Variants in GPR158 observed in about 807,000 individuals in gnomAD.
GPR158 encodes the protein G protein-coupled receptor 158.
In GPR158, 30 loss-of-function variants were observed where a neutral mutation model predicts 78.2. That is an observed-to-expected ratio of 0.38 (90% CI 0.29 to 0.52). The LOEUF (loss-of-function observed/expected upper bound fraction) is 0.52. Ranked by LOEUF, GPR158 falls within the 20% of genes least tolerant of loss-of-function variation. The pLI, the probability that GPR158 is intolerant of heterozygous loss-of-function variation, is 0.83. For missense variants in GPR158, 1,463 were observed against 1,523.5 expected (o/e 0.96, Z 0.66); for synonymous variants, 581 against 591.1 (o/e 0.98, Z 0.25).
intron 3 of GPR158, among the ~76,000 whole-genome samples, chr10:25,397,414 A>T (rs1323891656): frequency 6.6e-6 from 1 of 152,202 alleles, no homozygotes; most frequent in Non-Finnish European, 1.5e-5. Flanking sequence ...CTAAAACTAG[A>T]GTACAGGTCT....
At chr10:25,595,672 G>A (rs867463724) in intron 9 of GPR158, among the ~76,000 whole-genome samples, 3 of 152,206 alleles carry the variant, frequency 2.0e-5, no homozygotes, top group South Asian at 2.1e-4. Flanking sequence ...GAAATGTCCA[G>A]AATGGGCAAA....
chr10:25,241,524 G>A lies in GPR158; in HGVS notation c.1008+20367G>A, dbSNP rs565360310. On this transcript the variant is annotated intron_variant, in intron 2 of 10. Coordinates refer to ENST00000376351, the MANE Select transcript of GPR158 (RefSeq NM_020752.3). ...CAACCTCTGCCTCCTGGGTTCAAGC[G>A]ATTTTCCTGCCTCAGCCTCCTGAGT... 1.8e-3 allele frequency among the ~76,000 whole-genome samples: 268 copies of A among 151,372 alleles called. 1 individual carries two copies. The highest frequency in any genetic ancestry group is 0.014 in the Middle Eastern group (4 of 294).
At chr10:25,502,034 C>G (rs1402672868) in intron 5 of GPR158, among the ~76,000 whole-genome samples, 1 of 152,140 alleles carries the variant, frequency 6.6e-6, no homozygotes, top group Non-Finnish European at 1.5e-5. Flanking sequence ...AGCAAATCTG[C>G]TACTCTCCTC....
chr10:25,347,800 G>A (rs566582714), intron 2 of GPR158, among the ~76,000 whole-genome samples: 1 of 152,058 alleles, frequency 6.6e-6, no homozygotes, highest in African/African-American at 2.4e-5. Context: ...AGTTGATCCA[G>A]TTATCATTTT....
chr10:25,562,718 A>G (rs940695709), intron 6 of GPR158, among the ~76,000 whole-genome samples: 9 of 152,188 alleles, frequency 5.9e-5, no homozygotes, highest in African/African-American at 1.4e-4. Context: ...GGAATGTTCC[A>G]CGTGCACTTG....
intron 2 of GPR158, among the ~76,000 whole-genome samples, chr10:25,238,740 CG>C (rs1365453397): frequency 6.6e-6 from 1 of 152,160 alleles, no homozygotes; most frequent in East Asian, 1.9e-4. Context: ...CCATGCAAGC[CG>C]TATCAAATGC....
intron 2 of GPR158, among the ~76,000 whole-genome samples, chr10:25,361,861 T>C (rs902327398): frequency 2.0e-5 from 3 of 151,948 alleles, no homozygotes; most frequent in African/African-American, 7.2e-5. Flanking sequence ...TTATGTATTA[T>C]ATAATTTTGG....
At chr10:25,220,999 G>T (rs1416115174) in intron 1 of GPR158, 53 bp from the exon 2 acceptor site, 11 of 1,013,284 alleles carry the variant, frequency 1.1e-5, no homozygotes, top group Non-Finnish European at 1.6e-5. Context: ...AAAATACAGA[G>T]AAATCATAAA....
At chr10:25,546,251 T>C (rs1836660730) in intron 5 of GPR158, among the ~76,000 whole-genome samples, 1 of 152,162 alleles carries the variant, frequency 6.6e-6, no homozygotes, top group Admixed American at 6.6e-5. Flanking sequence ...AAGCATTCTT[T>C]TATTTTGTGC....
chr10:25,531,556 C>T (rs1836422423), intron 5 of GPR158, among the ~76,000 whole-genome samples: 1 of 152,178 alleles, frequency 6.6e-6, no homozygotes, highest in Non-Finnish European at 1.5e-5. Flanking sequence ...AAAGTGTCCT[C>T]TCGAAAGAGA....
chr10:25,210,769 A>G (rs1391361320), intron 1 of GPR158, among the ~76,000 whole-genome samples: 1 of 152,138 alleles, frequency 6.6e-6, no homozygotes, highest in Non-Finnish European at 1.5e-5. Context: ...ATCCTTGTAA[A>G]TTTTAGACAT....
chr10:25,453,600 G>T (rs953035473), intron 4 of GPR158, among the ~76,000 whole-genome samples: 1 of 152,062 alleles, frequency 6.6e-6, no homozygotes, highest in African/African-American at 2.4e-5. Flanking sequence ...CTGTGTATGT[G>T]TATTATGTGA....
At chr10:25,396,122 G>C in intron 3 of GPR158, 109 bp downstream of exon 3, 1 of 540,008 alleles carries the variant, frequency 1.9e-6, no homozygotes, top group South Asian at 2.9e-5. Context: ...ATAATCATTG[G>C]TTTGGCATTC....
intron 5 of GPR158, among the ~76,000 whole-genome samples, chr10:25,535,044 T>C (rs532870282): frequency 5.3e-5 from 8 of 152,338 alleles, no homozygotes; most frequent in Admixed American, 5.2e-4. Context: ...GTTTTTCACA[T>C]TATTCTTTCT....
chr10:25,292,031 T>C (rs1464182150), intron 2 of GPR158, among the ~76,000 whole-genome samples: 1 of 152,022 alleles, frequency 6.6e-6, no homozygotes, highest in African/African-American at 2.4e-5. Flanking sequence ...GCCCCGGCAG[T>C]TCCAAACCAT....
At chr10:25,527,299 TTTTA>T (rs1836362303) in intron 5 of GPR158, among the ~76,000 whole-genome samples, 2 of 152,182 alleles carry the variant, frequency 1.3e-5, no homozygotes, top group Admixed American at 6.5e-5. Context: ...CTACACATTT[TTTTA>T]AAGTACGTAT....
chr10:25,483,830 G>C (rs1236952515), intron 5 of GPR158, among the ~76,000 whole-genome samples: 4 of 152,010 alleles, frequency 2.6e-5, no homozygotes, highest in African/African-American at 9.7e-5. Context: ...GTTATAATCA[G>C]ATTTTTTTAA....
At chr10:25,425,656 A>G (rs1171167733) in intron 4 of GPR158, among the ~76,000 whole-genome samples, 1 of 152,130 alleles carries the variant, frequency 6.6e-6, no homozygotes, top group Non-Finnish European at 1.5e-5. Context: ...TTCTGACGAA[A>G]GACTAATACC....
chr10:25,226,005 CT>C (rs2130688850), intron 2 of GPR158, among the ~76,000 whole-genome samples: 1 of 152,242 alleles, frequency 6.6e-6, no homozygotes, highest in South Asian at 2.1e-4. Context: ...TTCTAGAGAT[CT>C]TTCATTTAGT....
Sources: allele counts gnomAD v4.1 joint callset (sites outside exome capture counted in the v4.1 genomes callset), GRCh38; gene constraint gnomAD v4.1.1; transcripts MANE v1.5; gene names NCBI Gene and HGNC (gene_info 2026-07-23, HGNC 2026-07-21).